Variants in ASTL observed in about 807,000 individuals in gnomAD.
ASTL encodes astacin-like metalloendopeptidase.
Under a neutral mutation model 36.7 loss-of-function variants are expected in ASTL, and 27 were observed. The observed-to-expected ratio is 0.73, with a 90% CI of 0.54 to 1.01. ASTL has a LOEUF of 1.01. Ranked by LOEUF, ASTL falls within the 50% of genes least tolerant of loss-of-function variation. The pLI is 0.00. For missense variants in ASTL, 524 were observed against 572.8 expected (o/e 0.91, Z 0.87); for synonymous variants, 222 against 228.1 (o/e 0.97, Z 0.24).
intron 4 of ASTL, 54 bp downstream of exon 4, chr2:96,133,911 C>A: frequency 1.7e-6 from 2 of 1,202,966 alleles, no homozygotes; most frequent in South Asian, 1.2e-5. Flanking sequence ...GGAACACCTG[C>A]CGCATTAGGA....
At position 96,130,074 on chromosome 2, in the gene ASTL, G is replaced by A. The variant is rs201932296; in HGVS notation, c.709C>T (p.His237Tyr). 1.2e-6 allele frequency: 2 copies of A among 1,613,890 alleles called. No homozygotes were observed. The highest frequency in any genetic ancestry group is 4.5e-5 in the East Asian group (2 of 44,886). Residue 237 changes from histidine to tyrosine, a missense_variant, in exon 7 of 9, where the codon CAC becomes TAC. Physicochemically the swap from His to Tyr is moderately conservative, Grantham distance 83. Transcript: ENST00000342380. ...LTPYDYSSVMHYGRLAFSRRG... is the reference protein window; with the variant it reads ...LTPYDYSSVMYYGRLAFSRRG... ...AGGCAGGGTCCTCACCTCCCATAGT[G>A]CATCACAGAGGAGTAGTCATAGGGC...
chr2:96,125,197 T>A (rs1682041677), intron 8 of ASTL, among the ~76,000 whole-genome samples: 1 of 152,106 alleles, frequency 6.6e-6, no homozygotes, highest in Admixed American at 6.5e-5. Context: ...CTCAACCACC[T>A]TTCCCTGCTG....
intron 4 of ASTL, 86 bp downstream of exon 4, chr2:96,133,879 T>C (rs529997387): frequency 1.8e-4 from 160 of 887,972 alleles, no homozygotes; most frequent in Non-Finnish European, 2.8e-5. Flanking sequence ...GATGTGATGG[T>C]GTAAGAGGAA....
At chr2:96,128,309 T>G (rs370033006) in intron 8 of ASTL, among the ~76,000 whole-genome samples, 1 of 152,128 alleles carries the variant, frequency 6.6e-6, no homozygotes, top group African/African-American at 2.4e-5. Flanking sequence ...TTATAATTAA[T>G]GTAGTTGAAT....
chr2:96,130,511 G>A (rs1272171380), intron 6 of ASTL, among the ~76,000 whole-genome samples: 1 of 152,218 alleles, frequency 6.6e-6, no homozygotes, highest in African/African-American at 2.4e-5. Context: ...CACCCCAGAT[G>A]AAATGTCTAT....
At chr2:96,130,022 G>C (rs748701062) in intron 7 of ASTL, 42 bp downstream of exon 7, 2 of 1,613,450 alleles carry the variant, frequency 1.2e-6, no homozygotes, top group East Asian at 2.2e-5. Context: ...CACCACGGGA[G>C]AGGCTGGGGG....
rs1407978987 is a variant in ASTL at position 96,123,685 on chromosome 2, G to C, written c.*165C>G. Among the ~76,000 whole-genome samples, 1 of 152,166 alleles carries C rather than the reference G, an allele frequency of 6.6e-6. No individual in the cohort carries two copies. Among genetic ancestry groups the C allele is most frequent in the Non-Finnish European group, 1.5e-5 (1 of 68,008 alleles). ...GAACCCCTGGCCCTAGGAGCCCTTA[G>C]GGGAACACAGTGAAGAGAGACAGGG... is the stretch of plus-strand genomic sequence containing the variant. On this transcript the variant is annotated 3_prime_UTR_variant, in exon 9 of 9. Coordinates refer to ENST00000342380, the MANE Select transcript of ASTL (RefSeq NM_001002036.4).
chr2:96,136,116 A>G (rs548416194), intron 2 of ASTL, among the ~76,000 whole-genome samples: 3 of 152,276 alleles, frequency 2.0e-5, no homozygotes, highest in Admixed American at 6.5e-5. Context: ...GGTCTCCCAC[A>G]AGTGACTCAC....
chr2:96,126,492 T>G (rs984804843), intron 8 of ASTL, among the ~76,000 whole-genome samples: 2 of 152,162 alleles, frequency 1.3e-5, no homozygotes, highest in Non-Finnish European at 1.5e-5. Context: ...AAATGATAGA[T>G]AAGAAGTGTC....
rs1682132084 is a variant in ASTL, at chr2:96,129,822, A to T, written c.874+2T>A. ...AAGTCACCTTCCTGCCATGCCACTC[A>T]CCTCTCCCACGGGGCCTGGGGCCAC... On this transcript the variant is annotated splice_donor_variant, in intron 8 of 8. Transcript: ENST00000342380. LOFTEE classifies it high-confidence loss of function. The T allele has an allele frequency of 6.5e-7, 1 of 1,534,126 alleles. No homozygotes were observed. The highest frequency in any genetic ancestry group is 2.0e-5 in the Admixed American group (1 of 49,316).
chr2:96,137,887 A>G, intron 1 of ASTL, 187 bp from the exon 2 acceptor site: 1 of 587,082 alleles, frequency 1.7e-6, no homozygotes, highest in East Asian at 2.8e-5. Flanking sequence ...GCCAAGGTCT[A>G]GATGACCTCA....
In ASTL at chr2:96,124,891, A is replaced by C. The variant is rs1682035010; in HGVS notation, c.875-620T>G. On this transcript the variant is annotated intron_variant, in intron 8 of 8. Coordinates refer to ENST00000342380, the MANE Select transcript of ASTL (RefSeq NM_001002036.4). This position sits in a 1 kb window ranked among gnomAD's most constrained non-coding sequence, Gnocchi z 4.1. ...CACCAGGAGCCTCTTCCCTCAGCTG[A>C]CCCTGACCAAATCCTCACTCCCACA... Among the ~76,000 whole-genome samples the C allele has an allele frequency of 6.6e-6, 1 of 151,866 alleles. No homozygotes were observed. Among genetic ancestry groups the C allele is most frequent in the Non-Finnish European group, 1.5e-5 (1 of 67,956 alleles).
At chr2:96,138,510 G>A, upstream of ASTL, 2 of 1,283,536 alleles carry the variant, frequency 1.6e-6, no homozygotes, top group Admixed American at 1.9e-5. Flanking sequence ...TGCAGAACCG[G>A]CACCACCACC....
chr2:96,137,529 A>G (rs759803105), intron 2 of ASTL, 46 bp downstream of exon 2: 4 of 1,601,278 alleles, frequency 2.5e-6, no homozygotes, highest in Admixed American at 3.4e-5. Context: ...TTCACACTAC[A>G]TAACGTCGTG....
intron 8 of ASTL, 61 bp downstream of exon 8, chr2:96,129,763 A>C (rs1682129769): frequency 1.4e-6 from 2 of 1,460,062 alleles, no homozygotes. Flanking sequence ...ACCCTCCCTG[A>C]CACCATTAGA....
intron 6 of ASTL, among the ~76,000 whole-genome samples, chr2:96,131,390 G>A (rs931252927): frequency 1.3e-5 from 2 of 151,770 alleles, no homozygotes; most frequent in African/African-American, 2.4e-5. Flanking sequence ...TTGATGTATC[G>A]GTTTCTACTT....
rs775385791 is a variant in ASTL, at chr2:96,129,915, G to C, written c.783C>G (p.Ile261Met). Residue 261 changes from isoleucine (I) to methionine (M), a missense_variant, in exon 8 of 9, where the codon ATC becomes ATG. Transcript: ENST00000342380. The stretch of plus-strand genomic sequence containing the variant: ...AGGCACTCAGGTTCCATCGCTGGCC[G>C]ATGTGGACACTGGGGGCCCAAAGTG... ...ITPLWAPSVH[I>M]GQRWNLSASD... 4.2e-5 allele frequency: 68 copies of C among 1,606,546 alleles called. No individual in the cohort carries two copies. In the Admixed American group the frequency reaches 1.1e-3, roughly 26 times the overall value.
chr2:96,123,629 A>C lies in ASTL; in HGVS notation c.*221T>G, dbSNP rs1251935615. ...GCAAAAGTCAAGAGCAGGCACAGCC[A>C]GGCCTGCCTTCCCCTGTGGCAGAGC... On this transcript the variant is annotated 3_prime_UTR_variant, in exon 9 of 9. Transcript: ENST00000342380. 6.6e-6 allele frequency among the ~76,000 whole-genome samples: 1 copy of C among 152,180 alleles called. No individual in the cohort carries two copies. Among genetic ancestry groups the C allele is most frequent in the Non-Finnish European group, 1.5e-5 (1 of 68,024 alleles).
At position 96,134,029 on chromosome 2, in the gene ASTL, G is replaced by T; in HGVS notation, c.273C>A (p.Ser91Arg). Residue 91 changes from serine (S) to arginine (R), a missense_variant, in exon 4 of 9, where the codon AGC (serine) becomes AGA (arginine). Ser to Arg is a moderately radical substitution (Grantham distance 110). Coordinates refer to ENST00000342380, the MANE Select transcript of ASTL (RefSeq NM_001002036.4). ...PSPFRLLSATSNKWPMGGSGV... is the reference protein window; with the variant it reads ...PSPFRLLSATRNKWPMGGSGV... ...CACTACCACCCATGGGCCATTTGTT[G>T]CTGGTTGCTGACAGCAGTCGGAAGG... 6.2e-7 allele frequency: 1 copy of T among 1,613,946 alleles called. No homozygotes were observed. Among genetic ancestry groups the T allele is most frequent in the Non-Finnish European group, 8.5e-7 (1 of 1,179,848 alleles).
Sources: gnomAD v4.1 joint callset for allele counts (sites outside exome capture counted in the v4.1 genomes callset) on GRCh38, gnomAD v4.1.1 for gene constraint, Gnocchi (gnomAD v3.1) non-coding constraint, MANE v1.5 for transcripts, NCBI Gene and HGNC (gene_info 2026-07-23, HGNC 2026-07-21) for gene names.